Variants in GPC6 observed in about 807,000 individuals in gnomAD.
GPC6 encodes glypican-6.
A neutral mutation model predicts 55.2 loss-of-function variants in GPC6; 14 were observed. The ratio of observed to expected loss-of-function variants is 0.25; its 90% CI spans 0.17 to 0.40. GPC6 has a LOEUF of 0.40. Among genes scored for constraint, GPC6 ranks in the 10% least tolerant of loss-of-function variants. The pLI, the probability that GPC6 is intolerant of heterozygous loss-of-function variation, is 1.00. For missense variants in GPC6, 641 were observed against 708.5 expected (o/e 0.90, Z 1.08); for synonymous variants, 278 against 259.6 (o/e 1.07, Z -0.68).
intron 2 of GPC6, among the ~76,000 whole-genome samples, chr13:93,600,683 G>A (rs892929498): frequency 3.3e-5 from 5 of 151,972 alleles, no homozygotes; most frequent in African/African-American, 9.7e-5. Flanking sequence ...GTATGATTTC[G>A]GCTCATGCCT....
In GPC6 at chr13:93,965,800, G is replaced by A. The variant is rs567233854; in HGVS notation, c.712-61929G>A. ...CTCAGAGGAGACCAGCAGAAAAACT[G>A]ACCAGCTGAGCCCAGCCAAAATCAC... is the stretch of plus-strand genomic sequence containing the variant. On this transcript the variant is annotated intron_variant, in intron 3 of 8. Transcript: ENST00000377047. Among the ~76,000 whole-genome samples, 11 of 152,244 alleles carry A rather than the reference G, an allele frequency of 7.2e-5. No homozygotes were observed. In the East Asian group the frequency reaches 1.7e-3, roughly 24 times the overall value.
chr13:93,988,446 C>A (rs1012426868), intron 3 of GPC6, among the ~76,000 whole-genome samples: 1 of 152,166 alleles, frequency 6.6e-6, no homozygotes, highest in Non-Finnish European at 1.5e-5. Flanking sequence ...AGTTAATATA[C>A]TTAATGCATT....
intron 2 of GPC6, among the ~76,000 whole-genome samples, chr13:93,659,537 C>T (rs1410687716): frequency 6.6e-6 from 1 of 151,972 alleles, no homozygotes; most frequent in Non-Finnish European, 1.5e-5. Context: ...TATTGTCCTA[C>T]AATTCCCTTA....
intron 4 of GPC6, among the ~76,000 whole-genome samples, chr13:94,096,384 A>T (rs1366916149): frequency 6.6e-6 from 1 of 152,062 alleles, no homozygotes; most frequent in Non-Finnish European, 1.5e-5. Flanking sequence ...TTCTAGCTAC[A>T]ATGCTTCATA....
chr13:93,901,911 A>C (rs1034038094), intron 3 of GPC6, among the ~76,000 whole-genome samples: 22 of 152,078 alleles, frequency 1.4e-4, no homozygotes, highest in African/African-American at 4.3e-4. Context: ...AAAAAAAAAA[A>C]AAAAAAACTT....
At chr13:93,832,108 AAAAAAAAAAAAAAAATATAT>A (rs1887526798) in intron 3 of GPC6, among the ~76,000 whole-genome samples, 1 of 65,560 alleles carries the variant, frequency 1.5e-5, no homozygotes, top group Non-Finnish European at 2.8e-5. Context: ...AAAAAAAAAA[AAAAAAAAAAAAAAAATATAT>A]ATATATATAT....
chr13:93,356,114 T>C (rs1880841241), intron 1 of GPC6, among the ~76,000 whole-genome samples: 1 of 152,138 alleles, frequency 6.6e-6, no homozygotes, highest in African/African-American at 2.4e-5. Context: ...GTAAATATAA[T>C]CTTGGCCTTT....
At chr13:93,919,989 C>T (rs1315497953) in intron 3 of GPC6, among the ~76,000 whole-genome samples, 1 of 151,908 alleles carries the variant, frequency 6.6e-6, no homozygotes, top group Non-Finnish European at 1.5e-5. Flanking sequence ...CATTTACACC[C>T]TCCCTCATCT....
At chr13:93,303,051 A>G (rs1878735277) in intron 1 of GPC6, among the ~76,000 whole-genome samples, 2 of 152,226 alleles carry the variant, frequency 1.3e-5, no homozygotes, top group Admixed American at 1.3e-4. Flanking sequence ...CTCCAGTGGG[A>G]TAGACCAAAG....
chr13:94,188,303 T>C (rs574453860), intron 4 of GPC6, among the ~76,000 whole-genome samples: 9 of 152,256 alleles, frequency 5.9e-5, no homozygotes, highest in South Asian at 2.1e-4. Context: ...TCTGCACCTC[T>C]TCCCAGGAGA....
At chr13:93,796,089 G>T (rs1329144996) in intron 2 of GPC6, among the ~76,000 whole-genome samples, 1 of 151,244 alleles carries the variant, frequency 6.6e-6, no homozygotes, top group Non-Finnish European at 1.5e-5. Flanking sequence ...CCAGCTAATT[G>T]GGAGGCTGAG....
At chr13:93,973,279 A>G (rs1410693106) in intron 3 of GPC6, among the ~76,000 whole-genome samples, 1 of 152,180 alleles carries the variant, frequency 6.6e-6, no homozygotes, top group Non-Finnish European at 1.5e-5. Flanking sequence ...GTATCTAAAC[A>G]TACCTAAACT....
At chr13:93,741,200 C>T (rs1884189014) in intron 2 of GPC6, among the ~76,000 whole-genome samples, 2 of 149,002 alleles carry the variant, frequency 1.3e-5, no homozygotes, top group South Asian at 2.1e-4. Context: ...CTGCAAGCTC[C>T]GCCTCCCAGG....
intron 1 of GPC6, among the ~76,000 whole-genome samples, chr13:93,483,905 C>T (rs1357009573): frequency 6.6e-6 from 1 of 152,114 alleles, no homozygotes; most frequent in African/African-American, 2.4e-5. Context: ...ATATTGTGTG[C>T]CCTGTATTTG....
At chr13:93,693,613 G>A (rs1045243146) in intron 2 of GPC6, among the ~76,000 whole-genome samples, 57 of 151,994 alleles carry the variant, frequency 3.8e-4, no homozygotes, top group Admixed American at 3.7e-3. Flanking sequence ...TGAGCAGCTG[G>A]GACTACGGGC....
At chr13:93,422,782 AT>A (rs1157299873) in intron 1 of GPC6, among the ~76,000 whole-genome samples, 1 of 152,158 alleles carries the variant, frequency 6.6e-6, no homozygotes, top group African/African-American at 2.4e-5. Flanking sequence ...TATAGCTAAA[AT>A]TTTTTTAAAA....
intron 1 of GPC6, among the ~76,000 whole-genome samples, chr13:93,348,693 C>T (rs151116778): frequency 1.3e-5 from 2 of 152,292 alleles, no homozygotes; most frequent in East Asian, 1.9e-4. Context: ...TTTAGTGATG[C>T]TTTTGATAGA....
At chr13:93,487,807 C>G (rs1038864521) in intron 1 of GPC6, among the ~76,000 whole-genome samples, 1 of 152,046 alleles carries the variant, frequency 6.6e-6, no homozygotes, top group African/African-American at 2.4e-5. Flanking sequence ...TTATCAAAAC[C>G]AAATTAAAAT....
At chr13:94,010,052 T>C (rs1882180957) in intron 3 of GPC6, among the ~76,000 whole-genome samples, 1 of 152,142 alleles carries the variant, frequency 6.6e-6, no homozygotes, top group African/African-American at 2.4e-5. Context: ...TCATTTAAAA[T>C]ACCTTCGAAG....
Sources: gnomAD v4.1 joint callset for allele counts (sites outside exome capture counted in the v4.1 genomes callset) on GRCh38, gnomAD v4.1.1 for gene constraint, MANE v1.5 for transcripts, NCBI Gene and HGNC (gene_info 2026-07-23, HGNC 2026-07-21) for gene names.